The following TEX11 variants were observed in gnomAD, a reference collection of about 807,000 sequenced individuals.
TEX11 encodes testis-expressed protein 11.
TEX11 carries 7 observed loss-of-function variants against 84.4 expected under a neutral mutation model. That is an observed-to-expected ratio of 0.08 (90% CI 0.05 to 0.16). The LOEUF (loss-of-function observed/expected upper bound fraction) is 0.16. Among genes scored for constraint, TEX11 ranks in the 10% least tolerant of loss-of-function variants. TEX11 has a pLI of 1.00. For synonymous variants in TEX11, 264 were observed against 222.8 expected, an observed-to-expected ratio of 1.18 and a Z score of -1.64; for missense variants, 551 against 660.5, an observed-to-expected ratio of 0.83 and a Z score of 1.82.
intron 28 of TEX11, 56 bp from the exon 29 acceptor site, chrX:70,530,055 C>G: frequency 2.0e-6 from 2 of 993,167 alleles, no homozygotes; most frequent in Non-Finnish European, 2.8e-6. Context: ...CATTGTGGCA[C>G]TACCTGTATC....
chrX:70,867,926 GAAGAA>G (rs1225978136), intron 4 of TEX11, among the ~76,000 whole-genome samples: 1 of 111,894 alleles, frequency 8.9e-6, no homozygotes, highest in Non-Finnish European at 1.9e-5. Context: ...AAAAACCCTA[GAAGAA>G]AATGTAGGCA....
intron 25 of TEX11, among the ~76,000 whole-genome samples, chrX:70,560,212 G>A (rs1013684628): frequency 2.8e-5 from 3 of 108,686 alleles, no homozygotes; most frequent in Admixed American, 1.0e-4. Flanking sequence ...GTGCAAAGGC[G>A]TGATTTCAGC....
At chrX:70,873,468 T>TGTTAGA (rs1436947512) in intron 3 of TEX11, among the ~76,000 whole-genome samples, 161 bp from the exon 4 acceptor site, 1 of 111,724 alleles carries the variant, frequency 9.0e-6, no homozygotes, top group Non-Finnish European at 1.9e-5. Context: ...ACTTACCCAC[T>TGTTAGA]GTTAGAGTAA....
chrX:70,541,525 C>T (rs999911769), intron 28 of TEX11, among the ~76,000 whole-genome samples: 4 of 111,667 alleles, frequency 3.6e-5, no homozygotes, highest in East Asian at 2.8e-4. Flanking sequence ...GAGGCCAAGG[C>T]GAGCAGATCA....
intron 9 of TEX11, among the ~76,000 whole-genome samples, chrX:70,757,514 C>A (rs2090876069): frequency 9.0e-6 from 1 of 111,482 alleles, no homozygotes; most frequent in South Asian, 3.8e-4. Context: ...TCATATCCAG[C>A]CAAACTAAGC....
intron 25 of TEX11, among the ~76,000 whole-genome samples, chrX:70,564,436 G>A (rs1348419598): frequency 9.2e-6 from 1 of 108,523 alleles, no homozygotes; most frequent in Admixed American, 9.9e-5. Flanking sequence ...TAAGTTTTAG[G>A]GTACATGTGC....
At chrX:70,600,143 A>G (rs1054473582) in intron 24 of TEX11, among the ~76,000 whole-genome samples, 6 of 111,522 alleles carry the variant, frequency 5.4e-5, no homozygotes, top group Admixed American at 1.9e-4. Flanking sequence ...CCAACAGTGT[A>G]AAAGTGTTCC....
intron 4 of TEX11, among the ~76,000 whole-genome samples, chrX:70,865,880 C>G (rs897178851): frequency 1.8e-5 from 2 of 111,979 alleles, no homozygotes; most frequent in Admixed American, 9.5e-5. Flanking sequence ...CTCTGGGACA[C>G]AGCTAAAGCA....
chrX:70,677,810 C>CTT (rs35653618), intron 15 of TEX11, among the ~76,000 whole-genome samples: 3,028 of 63,478 alleles, frequency 0.048, 140 homozygotes, highest in African/African-American at 0.065. Context: ...CTTTTCTTTC[C>CTT]TTTTTTTTTT....
At chrX:70,756,954 C>T (rs767436355) in intron 9 of TEX11, among the ~76,000 whole-genome samples, 1 of 111,873 alleles carries the variant, frequency 8.9e-6, no homozygotes. Flanking sequence ...AACCACAGCA[C>T]GAAAACTTCA....
chrX:70,774,620 C>T (rs1256944427), intron 9 of TEX11, among the ~76,000 whole-genome samples: 2 of 111,068 alleles, frequency 1.8e-5, no homozygotes, highest in African/African-American at 6.5e-5. Flanking sequence ...TTTAAAACAG[C>T]TACAAAAAAT....
intron 2 of TEX11, among the ~76,000 whole-genome samples, chrX:70,894,255 G>T: frequency 9.0e-6 from 1 of 110,961 alleles, no homozygotes; most frequent in Non-Finnish European, 1.9e-5. Flanking sequence ...CCAAAACCTG[G>T]CAGAGACACA....
intron 15 of TEX11, among the ~76,000 whole-genome samples, chrX:70,677,291 C>T (rs988356697): frequency 8.1e-5 from 9 of 111,406 alleles, no homozygotes; most frequent in Non-Finnish European, 1.1e-4. Flanking sequence ...CTAATTATTC[C>T]CCTCTTCTGA....
At chrX:70,524,301 T>C (rs1179457638), downstream of TEX11, among the ~76,000 whole-genome samples, 1 of 112,223 alleles carries the variant, frequency 8.9e-6, no homozygotes, top group Middle Eastern at 4.2e-3. Context: ...GCAGGAAGTG[T>C]TCAGGAAATA....
At chrX:70,717,961 T>C (rs2090521903) in intron 13 of TEX11, among the ~76,000 whole-genome samples, 1 of 112,632 alleles carries the variant, frequency 8.9e-6, no homozygotes, top group Non-Finnish European at 1.9e-5. Context: ...CAAATTTTCC[T>C]TTGAAATTGA....
chrX:70,564,803 A>G (rs373536743), intron 25 of TEX11, among the ~76,000 whole-genome samples: 1 of 109,523 alleles, frequency 9.1e-6, no homozygotes, highest in African/African-American at 3.3e-5. Flanking sequence ...CCAGTCTATC[A>G]TTGTTGGACA....
intron 25 of TEX11, among the ~76,000 whole-genome samples, chrX:70,573,013 TAA>T (rs2088626153): frequency 9.0e-6 from 1 of 111,453 alleles, no homozygotes; most frequent in Non-Finnish European, 1.9e-5. Context: ...AATAAATAAA[TAA>T]ATAAAATTTC....
intron 22 of TEX11, among the ~76,000 whole-genome samples, chrX:70,608,507 C>T (rs979489678): frequency 2.7e-5 from 3 of 110,958 alleles, no homozygotes; most frequent in Non-Finnish European, 3.8e-5. Context: ...TTTGGGAGGC[C>T]GAGGCAGGTG....
chrX:70,824,902 C>G (rs1165617642), intron 8 of TEX11, among the ~76,000 whole-genome samples: 1 of 111,352 alleles, frequency 9.0e-6, no homozygotes, highest in Non-Finnish European at 1.9e-5. Context: ...AAACCATAAC[C>G]CACAAAAAAT....
Sources: gnomAD v4.1 joint callset for allele counts (sites outside exome capture counted in the v4.1 genomes callset) on GRCh38, gnomAD v4.1.1 for gene constraint, MANE v1.5 for transcripts, NCBI Gene and HGNC (gene_info 2026-07-23, HGNC 2026-07-21) for gene names.